The following PLA2R1 variants were observed in gnomAD, a reference collection of about 807,000 sequenced individuals.
PLA2R1 encodes phospholipase A2 receptor 1, also known as secretory phospholipase A2 receptor.
Under a neutral mutation model 195.9 loss-of-function variants are expected in PLA2R1, and 158 were observed. The observed-to-expected ratio is 0.81, with a 90% CI of 0.71 to 0.92. The LOEUF is 0.92. Ranked by LOEUF, PLA2R1 falls within the 40% of genes least tolerant of loss-of-function variation. PLA2R1 has a pLI of 0.00. For synonymous variants in PLA2R1, 586 were observed against 598.2 expected, an observed-to-expected ratio of 0.98 and a Z score of 0.30; for missense variants, 1,626 against 1,764.6, an observed-to-expected ratio of 0.92 and a Z score of 1.41.
intron 11 of PLA2R1, among the ~76,000 whole-genome samples, chr2:160,002,503 T>C (rs749585854): frequency 5.3e-5 from 8 of 151,966 alleles, no homozygotes; most frequent in Non-Finnish European, 8.8e-5. Context: ...TGTATACAAA[T>C]GAAGAAATGT....
At chr2:160,049,272 A>T (rs907529799) in intron 1 of PLA2R1, among the ~76,000 whole-genome samples, 1 of 152,242 alleles carries the variant, frequency 6.6e-6, no homozygotes, top group African/African-American at 2.4e-5. Context: ...GCCCCATAAG[A>T]TAACGTGTAC....
rs533295153 is a variant in PLA2R1 at position 159,987,360 on chromosome 2, T to G, written c.1835-2A>C. On this transcript the variant is annotated splice_acceptor_variant, in intron 11 of 29. Transcript: ENST00000283243. LOFTEE classifies it high-confidence loss of function. ...TGGCAACACAGCCACCACTGTAGCC[T>G]AAAAGCAGAAAACAAGCATTTTTAA... is the stretch of plus-strand genomic sequence containing the variant. 6.2e-7 allele frequency: 1 copy of G among 1,606,838 alleles called. No homozygotes were observed. Among genetic ancestry groups the G allele is most frequent in the South Asian group, 1.1e-5 (1 of 90,394 alleles).
chr2:159,999,155 G>A (rs1691425284), intron 11 of PLA2R1, among the ~76,000 whole-genome samples: 1 of 152,072 alleles, frequency 6.6e-6, no homozygotes, highest in Non-Finnish European at 1.5e-5. Flanking sequence ...CACTGAATCT[G>A]CTAGCACCTT....
At chr2:159,960,204 C>T (rs1030321187) in intron 20 of PLA2R1, among the ~76,000 whole-genome samples, 6 of 152,104 alleles carry the variant, frequency 3.9e-5, no homozygotes, top group African/African-American at 1.4e-4. Context: ...CATGCAGCTC[C>T]CCCTATTTTT....
At chr2:159,966,136 G>A (rs573985925) in intron 20 of PLA2R1, among the ~76,000 whole-genome samples, 3 of 152,276 alleles carry the variant, frequency 2.0e-5, no homozygotes, top group African/African-American at 4.8e-5. Flanking sequence ...AAGGGGGGAC[G>A]TAACTCAAAT....
chr2:160,043,725 C>T (rs1694690057), intron 2 of PLA2R1, among the ~76,000 whole-genome samples: 1 of 152,190 alleles, frequency 6.6e-6, no homozygotes. Flanking sequence ...ATATCAAGTT[C>T]CTCTTCAGAA....
chr2:159,928,437 A>G (rs1020086171), downstream of PLA2R1, among the ~76,000 whole-genome samples: 2 of 152,224 alleles, frequency 1.3e-5, no homozygotes, highest in Non-Finnish European at 2.9e-5. Context: ...ATGTTTAGGA[A>G]TATACTTAAC....
chr2:159,964,581 T>C (rs1282625793), intron 20 of PLA2R1, among the ~76,000 whole-genome samples: 2 of 152,154 alleles, frequency 1.3e-5, no homozygotes, highest in Non-Finnish European at 2.9e-5. Flanking sequence ...GTATCAATGA[T>C]TAAAAAATAG....
At chr2:159,944,006 C>T (rs1347436704) in intron 28 of PLA2R1, among the ~76,000 whole-genome samples, 10 of 152,268 alleles carry the variant, frequency 6.6e-5, no homozygotes, top group Middle Eastern at 3.4e-3. Context: ...TTCATATCCT[C>T]ATGAGTTCTA....
chr2:160,030,553 G>A (rs1573933671), intron 4 of PLA2R1, among the ~76,000 whole-genome samples: 1 of 152,224 alleles, frequency 6.6e-6, no homozygotes, highest in East Asian at 1.9e-4. Flanking sequence ...TTTTAATAAT[G>A]CAGATAAAAA....
chr2:160,058,657 GGAGTACTT>G (rs2105717016), intron 1 of PLA2R1, among the ~76,000 whole-genome samples: 1 of 152,208 alleles, frequency 6.6e-6, no homozygotes, highest in Non-Finnish European at 1.5e-5. Flanking sequence ...CTTTGTATCT[GGAGTACTT>G]GAGTGAGTGA....
intron 23 of PLA2R1, among the ~76,000 whole-genome samples, chr2:159,951,888 A>G (rs1297030475): frequency 6.6e-6 from 1 of 152,230 alleles, no homozygotes; most frequent in Admixed American, 6.5e-5. Context: ...TGATCTTCTT[A>G]GGTGGGTTTC....
chr2:160,044,036 AATGGATGG>A (rs1265172518), intron 2 of PLA2R1, among the ~76,000 whole-genome samples: 1 of 151,972 alleles, frequency 6.6e-6, no homozygotes, highest in Admixed American at 6.5e-5. Flanking sequence ...ATGCGGGATG[AATGGATGG>A]ATGGATGGAT....
rs759310910 is a variant in PLA2R1 at position 159,955,213 on chromosome 2, C to G, written c.3287G>C (p.Cys1096Ser). 1.2e-6 allele frequency: 2 copies of G among 1,603,226 alleles called. No homozygotes were observed. The highest frequency in any genetic ancestry group is 1.1e-5 in the South Asian group (1 of 88,494). Reference protein sequence around the residue: ...DCGKEGYGFVCEKMQDTSGHG... With the variant: ...DCGKEGYGFVSEKMQDTSGHG... ...ATATTTCTTACCTTGCATTTTTTCA[C>G]AAACAAACCCATAGCCTTCCTTTCC... The change falls in exon 23 of 30, where the codon TGT (cysteine) becomes TCT (serine). Residue 1096 changes from cysteine to serine, a missense_variant. Coordinates refer to ENST00000283243, the MANE Select transcript of PLA2R1 (RefSeq NM_007366.5).
intron 20 of PLA2R1, among the ~76,000 whole-genome samples, chr2:159,957,129 G>A (rs910970280): frequency 6.6e-6 from 1 of 152,146 alleles, no homozygotes; most frequent in Non-Finnish European, 1.5e-5. Context: ...TCAGCCATTT[G>A]GTCACTAAGT....
intron 6 of PLA2R1, among the ~76,000 whole-genome samples, chr2:160,027,707 A>G (rs1693611757): frequency 6.6e-6 from 1 of 152,144 alleles, no homozygotes; most frequent in South Asian, 2.1e-4. Context: ...AACAGAAATA[A>G]TTGGACTTCT....
rs1485535562 is a variant in PLA2R1 at position 159,967,577 on chromosome 2, C to T, written c.2866G>A (p.Gly956Arg). Reference protein sequence around the residue: ...EKKKDTPKQHGTCPKGWLYFN... With the variant: ...EKKKDTPKQHRTCPKGWLYFN... ...TATAGCCATCCTTTGGGACACGTTC[C>T]ATGTTGTTTTGGTGTATCTTTCTTT... Residue 956 changes from glycine (G) to arginine (R), a missense_variant, in exon 20 of 30, where the codon GGA becomes AGA. Gly to Arg is a moderately radical substitution (Grantham distance 125, BLOSUM62 -2). Transcript: ENST00000283243. 6.2e-7 allele frequency: 1 copy of T among 1,613,548 alleles called. No individual in the cohort carries two copies. Among genetic ancestry groups the T allele is most frequent in the Admixed American group, 1.7e-5 (1 of 59,996 alleles).
chr2:160,052,689 T>C (rs1458005517), intron 1 of PLA2R1, among the ~76,000 whole-genome samples: 3 of 152,120 alleles, frequency 2.0e-5, no homozygotes, highest in African/African-American at 4.8e-5. Context: ...ACTGTTAAGA[T>C]GCCCTCACAA....
At position 159,933,292 on chromosome 2, in the gene PLA2R1, A is replaced by G. The variant is rs1686665191; in HGVS notation, c.*8486T>C. On this transcript the variant is annotated 3_prime_UTR_variant, in exon 30 of 30. Transcript: ENST00000283243. ...CTGCAATTAGAATTCGTCATTAGGT[A>G]TTAGAGGAACATGCAGATTTTCACT... 1 of 152,214 alleles carries G rather than the reference A, an allele frequency of 6.6e-6. No homozygotes were observed. The highest frequency in any genetic ancestry group is 2.1e-4 in the South Asian group (1 of 4,836). 9.4% of individuals were successfully genotyped at this position (152,214 alleles called of 1,614,324 possible).
Sources: gnomAD v4.1 joint callset for allele counts (sites outside exome capture counted in the v4.1 genomes callset) on GRCh38, gnomAD v4.1.1 for gene constraint, MANE v1.5 for transcripts, NCBI Gene and HGNC (gene_info 2026-07-23, HGNC 2026-07-21) for gene names.